The following PARD3 variants were observed in gnomAD, a reference collection of about 807,000 sequenced individuals.
The protein encoded by PARD3 is par-3 family cell polarity regulator, also known as partitioning defective 3 homolog.
In PARD3, 75 loss-of-function variants were observed where a neutral mutation model predicts 155.4. That is an observed-to-expected ratio of 0.48 (90% CI 0.40 to 0.58). The LOEUF is 0.58. PARD3 is among the 20% of genes least tolerant of loss of function. The probability of loss-of-function intolerance (pLI) is 0.00; values close to 1 mark genes in which losing one functional copy is unlikely to be tolerated. For synonymous variants in PARD3, 576 were observed against 610.5 expected, an observed-to-expected ratio of 0.94 and a Z score of 0.83; for missense variants, 1,642 against 1,721.7, an observed-to-expected ratio of 0.95 and a Z score of 0.82.
chr10:34,513,614 A>G (rs567411512), intron 3 of PARD3, among the ~76,000 whole-genome samples: 1 of 148,916 alleles, frequency 6.7e-6, no homozygotes, highest in Non-Finnish European at 1.5e-5. Flanking sequence ...CATTTCTTAC[A>G]TTTTTATTAA....
intron 22 of PARD3, among the ~76,000 whole-genome samples, chr10:34,261,765 G>GAAAGAAAAGA (rs1403985001): frequency 3.8e-5 from 5 of 130,524 alleles, no homozygotes; most frequent in African/African-American, 1.4e-4. Flanking sequence ...AGAAAGGAAG[G>GAAAGAAAAGA]AAGGAAGAAA....
intron 1 of PARD3, among the ~76,000 whole-genome samples, chr10:34,745,974 C>T (rs1221940911): frequency 3.3e-5 from 5 of 151,924 alleles, no homozygotes; most frequent in Non-Finnish European, 7.4e-5. Flanking sequence ...TGGTGGCGAG[C>T]GCCTGTAGTC....
chr10:34,580,905 T>TA (rs1426941954), intron 2 of PARD3, among the ~76,000 whole-genome samples: 1 of 152,208 alleles, frequency 6.6e-6, no homozygotes, highest in East Asian at 1.9e-4. Context: ...ACTCATAAGG[T>TA]ATGTCCTTCA....
chr10:34,592,833 A>G (rs1472360700), intron 2 of PARD3, among the ~76,000 whole-genome samples: 1 of 152,178 alleles, frequency 6.6e-6, no homozygotes, highest in East Asian at 1.9e-4. Flanking sequence ...GCCTCAAGAG[A>G]TGAAATGACT....
chr10:34,126,135 C>T (rs1947277242), intron 23 of PARD3, among the ~76,000 whole-genome samples: 1 of 152,216 alleles, frequency 6.6e-6, no homozygotes, highest in Non-Finnish European at 1.5e-5. Flanking sequence ...TTTTCTTCTT[C>T]TCTTGCTCAA....
chr10:34,608,163 A>G (rs962301674), intron 2 of PARD3, among the ~76,000 whole-genome samples: 2 of 152,144 alleles, frequency 1.3e-5, no homozygotes, highest in Non-Finnish European at 2.9e-5. Flanking sequence ...AGGATGCTGC[A>G]GCCATCAGAG....
intron 22 of PARD3, among the ~76,000 whole-genome samples, chr10:34,240,210 G>A (rs1397297814): frequency 6.6e-6 from 1 of 152,154 alleles, no homozygotes; most frequent in Admixed American, 6.5e-5. Flanking sequence ...AAATGTTCTC[G>A]TAAGAGAATA....
chr10:34,294,997 T>C (rs1211734255), intron 20 of PARD3, among the ~76,000 whole-genome samples: 2 of 150,652 alleles, frequency 1.3e-5, no homozygotes, highest in Non-Finnish European at 3.0e-5. Context: ...AGGACAGGAG[T>C]TCAAGACCAG....
intron 20 of PARD3, 32 bp downstream of exon 20, chr10:34,317,075 G>C: frequency 6.6e-7 from 1 of 1,524,852 alleles, no homozygotes; most frequent in South Asian, 1.3e-5. Flanking sequence ...GTATGTTTAA[G>C]GAGATTCTGG....
intron 2 of PARD3, among the ~76,000 whole-genome samples, chr10:34,527,535 A>C (rs2082563206): frequency 6.6e-6 from 1 of 152,222 alleles, no homozygotes; most frequent in African/African-American, 2.4e-5. Context: ...TTCAGAAAAA[A>C]AGAAGAAAGT....
At chr10:34,750,017 C>T (rs1835786820) in intron 1 of PARD3, among the ~76,000 whole-genome samples, 1 of 148,044 alleles carries the variant, frequency 6.8e-6, no homozygotes, top group African/African-American at 2.6e-5. Context: ...ACGAGACCCC[C>T]TCTCAAAAAA....
At position 34,772,654 on chromosome 10, in the gene PARD3, C is replaced by T. The variant is rs57124422; in HGVS notation, c.120+42222G>A. 3.4e-3 allele frequency among the ~76,000 whole-genome samples: 516 copies of T among 151,694 alleles called. 1 individual carries two copies. The highest frequency in any genetic ancestry group is 0.012 in the African/African-American group (492 of 41,364). On this transcript the variant is annotated intron_variant, in intron 1 of 24. Transcript: ENST00000374788. ...TAAAAATACAAAAAAATTAGCCAAG[C>T]GTGGTGGTGGACGCCTGTAACTCCA...
intron 2 of PARD3, among the ~76,000 whole-genome samples, chr10:34,577,471 G>C (rs1332059370): frequency 1.3e-5 from 2 of 152,182 alleles, no homozygotes; most frequent in Admixed American, 6.5e-5. Context: ...CTGCATGATG[G>C]CCCCAAATCA....
chr10:34,661,131 C>T (rs930175513), intron 2 of PARD3, among the ~76,000 whole-genome samples: 1 of 152,114 alleles, frequency 6.6e-6, no homozygotes, highest in Non-Finnish European at 1.5e-5. Flanking sequence ...TGTAACAGAG[C>T]GGTTTTCAGC....
intron 5 of PARD3, among the ~76,000 whole-genome samples, chr10:34,402,884 T>C (rs897903966): frequency 1.4e-4 from 21 of 152,210 alleles, no homozygotes; most frequent in African/African-American, 4.6e-4. Context: ...CCTTCATTTA[T>C]AATCTCGGCC....
chr10:34,604,046 GT>G (rs2090016369), intron 2 of PARD3, among the ~76,000 whole-genome samples: 1 of 152,156 alleles, frequency 6.6e-6, no homozygotes, highest in South Asian at 2.1e-4. Flanking sequence ...CTCTTAAGAA[GT>G]GAGTAAATCC....
chr10:34,713,218 AAATT>A (rs71033339), intron 1 of PARD3, among the ~76,000 whole-genome samples: 16 of 151,210 alleles, frequency 1.1e-4, no homozygotes, highest in Non-Finnish European at 8.9e-5. Context: ...TCTCAAAAAT[AAATT>A]AATTAATTAA....
chr10:34,175,357 G>A (rs903724133), intron 22 of PARD3, among the ~76,000 whole-genome samples: 2 of 152,162 alleles, frequency 1.3e-5, no homozygotes, highest in Non-Finnish European at 2.9e-5. Flanking sequence ...TTCTGCTAGT[G>A]TGTGTGTACA....
Position 34,382,394 on chromosome 10 carries a change from T to A in PARD3, c.1399+146A>T, listed in dbSNP as rs1046065140. On this transcript the variant is annotated intron_variant, in intron 9 of 24. Coordinates refer to ENST00000374788, the MANE Select transcript of PARD3 (RefSeq NM_001184785.2). The stretch of plus-strand genomic sequence containing the variant: ...TTAAAAGGTAAGTAACTTTAAAAAA[T>A]CTATCAGTTCTTTCACAAAATAATT... 4.1e-6 allele frequency: 3 copies of A among 735,922 alleles called. No individual in the cohort carries two copies. In the Admixed American group the frequency reaches 8.0e-5, roughly 20 times the overall value. The allele number at this position is 735,922 out of a possible 1,614,324, so 45.6% of individuals were successfully genotyped here.
Sources: allele counts gnomAD v4.1 joint callset (sites outside exome capture counted in the v4.1 genomes callset), GRCh38; gene constraint gnomAD v4.1.1; transcripts MANE v1.5; gene names NCBI Gene and HGNC (gene_info 2026-07-23, HGNC 2026-07-21).